Variants in SIAH3 observed in about 807,000 individuals in gnomAD.
SIAH3 encodes seven in absentia homolog 3.
In SIAH3, 9 loss-of-function variants were observed where a neutral mutation model predicts 12.6. The observed-to-expected ratio is 0.72, with a 90% CI of 0.43 to 1.25. The LOEUF is 1.25. Among genes scored for constraint, SIAH3 ranks in the 50% most tolerant of loss-of-function variants. The pLI is 0.00. For missense variants in SIAH3, 390 were observed against 365.4 expected (o/e 1.07, Z -0.55); for synonymous variants, 154 against 151.1 (o/e 1.02, Z -0.14).
intron 1 of SIAH3, among the ~76,000 whole-genome samples, chr13:45,849,813 A>C (rs955302722): frequency 2.6e-5 from 4 of 152,252 alleles, no homozygotes; most frequent in African/African-American, 9.6e-5. Context: ...CAGAAATGCT[A>C]AAGTCTCATA....
chr13:45,783,822 A>T lies in SIAH3; in HGVS notation c.371T>A (p.Val124Glu). ...CQWEGRLEVV[V>E]PHLRQIHRVD... ...CCTATGGATCTGCCGCAGGTGGGGCACCACCACCTCCAGGCGGCCTTCCCA... is the reference window on the plus strand; with the variant it reads ...CCTATGGATCTGCCGCAGGTGGGGCTCCACCACCTCCAGGCGGCCTTCCCA... Residue 124 changes from valine to glutamate, a missense_variant, in exon 2 of 2, where the codon GTG (valine) becomes GAG (glutamate). Transcript: ENST00000400405. The T allele has an allele frequency of 6.2e-7, 1 of 1,614,130 alleles. No individual in the cohort carries two copies. The highest frequency in any genetic ancestry group is 8.5e-7 in the Non-Finnish European group (1 of 1,180,022).
rs1382445711 is a variant in SIAH3, at chr13:45,783,306, A to T, written c.*77T>A. On this transcript the variant is annotated 3_prime_UTR_variant, in exon 2 of 2. Transcript: ENST00000400405. ...AAAAGAAAGGAGAAGAATAAAAAGG[A>T]GTCTGGAGTCCTGGTATTGGGAGGT... The T allele has an allele frequency of 2.0e-6, 2 of 1,021,020 alleles. No individual in the cohort carries two copies. The highest frequency in any genetic ancestry group is 1.6e-5 in the African/African-American group (1 of 62,080). The allele number at this position is 1,021,020 out of a possible 1,614,324, so 63.2% of individuals were successfully genotyped here.
chr13:45,791,426 A>G (rs1424655750), intron 1 of SIAH3, among the ~76,000 whole-genome samples: 3 of 152,240 alleles, frequency 2.0e-5, no homozygotes, highest in African/African-American at 7.2e-5. Flanking sequence ...TTTGGACCAC[A>G]TCAATGGAAA....
intron 1 of SIAH3, among the ~76,000 whole-genome samples, chr13:45,844,026 TACATTTAGG>T (rs1327571672): frequency 6.6e-6 from 1 of 152,240 alleles, no homozygotes; most frequent in Non-Finnish European, 1.5e-5. Flanking sequence ...AAAGGATTAG[TACATTTAGG>T]TTGTGCGCAG....
chr13:45,780,786 G>A lies in SIAH3; in HGVS notation c.*2597C>T, dbSNP rs1193860552. The stretch of plus-strand genomic sequence containing the variant: ...TTTGGTTGTGGTCTAACCACCTGAT[G>A]TGTGACCTTGAAAAGATCACTTCAT... On this transcript the variant is annotated 3_prime_UTR_variant, in exon 2 of 2. Coordinates refer to ENST00000400405, the MANE Select transcript of SIAH3 (RefSeq NM_198849.3). 2 of 152,166 alleles carry A rather than the reference G, an allele frequency of 1.3e-5. No individual in the cohort carries two copies. Among genetic ancestry groups the A allele is most frequent in the South Asian group, 2.1e-4 (1 of 4,834 alleles). 9.4% of individuals were successfully genotyped at this position (152,166 alleles called of 1,614,324 possible). A position where few individuals can be genotyped will look rare whatever the true frequency, so the allele number is the denominator to read the frequency against.
Position 45,783,307 on chromosome 13 carries a change from G to T in SIAH3, c.*76C>A. 3 of 1,109,918 alleles carry T rather than the reference G, an allele frequency of 2.7e-6. No individual in the cohort carries two copies. Among genetic ancestry groups the T allele is most frequent in the South Asian group, 1.9e-5 (1 of 52,772 alleles). The allele number at this position is 1,109,918 out of a possible 1,614,324, so 68.8% of individuals were successfully genotyped here. On this transcript the variant is annotated 3_prime_UTR_variant, in exon 2 of 2. Coordinates refer to ENST00000400405, the MANE Select transcript of SIAH3 (RefSeq NM_198849.3). ...AAAGAAAGGAGAAGAATAAAAAGGA[G>T]TCTGGAGTCCTGGTATTGGGAGGTC...
rs1950511011 is a variant in SIAH3 at position 45,783,044 on chromosome 13, G to T, written c.*339C>A. Reference sequence around the variant, plus strand: ...TTCAACCCCAACAGTCTGCTTGATGGTGTTTTGATCCTTTCAAAACTAGCG... The same window carrying T: ...TTCAACCCCAACAGTCTGCTTGATGTTGTTTTGATCCTTTCAAAACTAGCG... On this transcript the variant is annotated 3_prime_UTR_variant, in exon 2 of 2. Transcript: ENST00000400405. 1 of 161,660 alleles carries T rather than the reference G, an allele frequency of 6.2e-6. No individual in the cohort carries two copies. The highest frequency in any genetic ancestry group is 2.0e-4 in the South Asian group (1 of 4,940). 10.0% of individuals were successfully genotyped at this position (161,660 alleles called of 1,614,324 possible).
intron 1 of SIAH3, among the ~76,000 whole-genome samples, chr13:45,801,101 G>GGC (rs67983216): frequency 0.073 from 5,761 of 79,376 alleles, 198 homozygotes; most frequent in Non-Finnish European, 0.14. Context: ...GTGGCGGGGG[G>GGC]GGGCATGGCT....
chr13:45,851,381 C>A (rs1173069805), intron 1 of SIAH3, 114 bp downstream of exon 1: 3 of 1,400,532 alleles, frequency 2.1e-6, no homozygotes, highest in Non-Finnish European at 3.0e-6. Flanking sequence ...ACCGTCCCAG[C>A]CCCCGAGACC....
chr13:45,798,259 A>G (rs1426155086), intron 1 of SIAH3, among the ~76,000 whole-genome samples: 1 of 152,232 alleles, frequency 6.6e-6, no homozygotes, highest in Non-Finnish European at 1.5e-5. Context: ...ACATAAACCA[A>G]TAAATATCAT....
intron 1 of SIAH3, among the ~76,000 whole-genome samples, chr13:45,829,621 A>G (rs887111951): frequency 6.6e-6 from 1 of 152,050 alleles, no homozygotes; most frequent in Non-Finnish European, 1.5e-5. Context: ...AAGATATAGA[A>G]CACTTGCTAC....
chr13:45,826,300 T>C (rs1448102837), intron 1 of SIAH3, among the ~76,000 whole-genome samples: 1 of 152,008 alleles, frequency 6.6e-6, no homozygotes, highest in Non-Finnish European at 1.5e-5. Context: ...GCTTGGCATA[T>C]AGTAGGTGCT....
intron 1 of SIAH3, among the ~76,000 whole-genome samples, chr13:45,822,272 G>C (rs1566093820): frequency 6.6e-6 from 1 of 151,988 alleles, no homozygotes; most frequent in Non-Finnish European, 1.5e-5. Context: ...TGTGATCTGG[G>C]AACTTGTTCT....
At chr13:45,817,929 C>A (rs1256650179) in intron 1 of SIAH3, among the ~76,000 whole-genome samples, 1 of 152,224 alleles carries the variant, frequency 6.6e-6, no homozygotes, top group African/African-American at 2.4e-5. Flanking sequence ...GGAGAGACCA[C>A]CTGCCTGTTA....
At position 45,779,434 on chromosome 13, in the gene SIAH3, T is replaced by A. The variant is rs1199916745; in HGVS notation, c.*3949A>T. 2 of 152,222 alleles carry A rather than the reference T, an allele frequency of 1.3e-5. No individual in the cohort carries two copies. The highest frequency in any genetic ancestry group is 4.8e-5 in the African/African-American group (2 of 41,452). 9.4% of individuals were successfully genotyped at this position (152,222 alleles called of 1,614,324 possible). On this transcript the variant is annotated 3_prime_UTR_variant, in exon 2 of 2. Transcript: ENST00000400405. ...GAAAAAGGGGAGCTAAAAGGCCATA[T>A]TGAGTATGAAAGCACTAAAAGGCCT...
At position 45,779,157 on chromosome 13, in the gene SIAH3, T is replaced by A. The variant is rs1472163380; in HGVS notation, c.*4226A>T. 1.3e-5 allele frequency: 2 copies of A among 152,228 alleles called. No homozygotes were observed. Among genetic ancestry groups the A allele is most frequent in the Non-Finnish European group, 2.9e-5 (2 of 68,036 alleles). The allele number at this position is 152,228 out of a possible 1,614,324, so 9.4% of individuals were successfully genotyped here. ...ACATTATTATATAGTATGTTCATCA[T>A]ACAGATGTGATAGATGTAAATAACC... On this transcript the variant is annotated 3_prime_UTR_variant, in exon 2 of 2. Transcript: ENST00000400405.
Position 45,779,856 on chromosome 13 carries a change from A to G in SIAH3, c.*3527T>C, listed in dbSNP as rs528098652. ...GGGTTTACCAGGTACAGATTCATGC[A>G]GATACCAATTGTTAAAGACAATCTT... On this transcript the variant is annotated 3_prime_UTR_variant, in exon 2 of 2. Coordinates refer to ENST00000400405, the MANE Select transcript of SIAH3 (RefSeq NM_198849.3). The G allele has an allele frequency of 6.6e-6, 1 of 152,352 alleles. No homozygotes were observed. The highest frequency in any genetic ancestry group is 2.1e-4 in the South Asian group (1 of 4,828). 9.4% of individuals were successfully genotyped at this position (152,352 alleles called of 1,614,324 possible). A position where few individuals can be genotyped will look rare whatever the true frequency, so the allele number is the denominator to read the frequency against.
At chr13:45,845,895 A>G (rs373952286) in intron 1 of SIAH3, among the ~76,000 whole-genome samples, 1 of 151,926 alleles carries the variant, frequency 6.6e-6, no homozygotes, top group South Asian at 2.1e-4. Flanking sequence ...GGGAGATGGT[A>G]GAGTGTGTGG....
rs7981534 is a variant in SIAH3 at position 45,839,219 on chromosome 13, C to G, written c.135+12276G>C. Among the ~76,000 whole-genome samples, 9 of 133,946 alleles carry G rather than the reference C, an allele frequency of 6.7e-5. No homozygotes were observed. The Admixed American group carries it at 7.4e-4, about 11-fold the overall frequency. 87.9% of individuals were successfully genotyped at this position (133,946 alleles called of 152,430 possible). A position where few individuals can be genotyped will look rare whatever the true frequency, so the allele number is the denominator to read the frequency against. On this transcript the variant is annotated intron_variant, in intron 1 of 1. Transcript: ENST00000400405. ...GCTTTGTATAAAAAGACTTCTTTCT[C>G]CTCTTCTTTTTTTTTTTTAACTTTT...
Sources: allele counts gnomAD v4.1 joint callset (sites outside exome capture counted in the v4.1 genomes callset), GRCh38; gene constraint gnomAD v4.1.1; transcripts MANE v1.5; gene names NCBI Gene and HGNC (gene_info 2026-07-23, HGNC 2026-07-21).